Variants in MVB12B observed in about 807,000 individuals in gnomAD.
The protein encoded by MVB12B is multivesicular body subunit 12B.
A neutral mutation model predicts 41.6 loss-of-function variants in MVB12B; 16 were observed. That is an observed-to-expected ratio of 0.38 (90% CI 0.26 to 0.58). The LOEUF is 0.58. MVB12B is among the 20% of genes least tolerant of loss of function. The pLI, the probability that MVB12B is intolerant of heterozygous loss-of-function variation, is 0.62. For missense variants in MVB12B, 274 were observed against 380.2 expected (o/e 0.72, Z 2.32); for synonymous variants, 133 against 139.7 (o/e 0.95, Z 0.34).
At chr9:126,487,734 T>G (rs1363016924) in intron 9 of MVB12B, among the ~76,000 whole-genome samples, 1 of 146,756 alleles carries the variant, frequency 6.8e-6, no homozygotes, top group Non-Finnish European at 1.5e-5. Context: ...ACCATTGCAT[T>G]CCGGCCTGGG....
intron 9 of MVB12B, among the ~76,000 whole-genome samples, chr9:126,501,863 C>A (rs971353888): frequency 7.2e-5 from 11 of 152,112 alleles, no homozygotes; most frequent in Non-Finnish European, 1.5e-4. Context: ...TGGAAAGCCG[C>A]CTGCTGGTGG....
In MVB12B at chr9:126,340,579, G is replaced by C. The variant is rs562864023; in HGVS notation, c.153G>C (p.Thr51=). 3 of 1,614,058 alleles carry C rather than the reference G, an allele frequency of 1.9e-6. No homozygotes were observed. In the African/African-American group the frequency reaches 4.0e-5, roughly 22 times the overall value. The change falls in exon 2 of 10, where the codon ACG becomes ACC. Residue 51 remains threonine, a synonymous_variant. Coordinates refer to ENST00000361171, the MANE Select transcript of MVB12B (RefSeq NM_033446.3). This position sits in a 1 kb window ranked among gnomAD's most constrained non-coding sequence, Gnocchi z 4.0. ...CAGAAACGTCAATGGATCCCATCAC[G>C]GGAGTCGGGGTGGTGGCTTCTCGGA... The part of the protein sequence containing the change: ...ALPETSMDPI[T]GVGVVASRNR...
chr9:126,394,376 G>C (rs1215971673), intron 5 of MVB12B, among the ~76,000 whole-genome samples: 1 of 152,158 alleles, frequency 6.6e-6, no homozygotes, highest in Non-Finnish European at 1.5e-5. Context: ...ATATGTACCA[G>C]TATGTACCTT....
intron 7 of MVB12B, among the ~76,000 whole-genome samples, chr9:126,450,684 C>G (rs957347109): frequency 6.6e-6 from 1 of 152,206 alleles, no homozygotes; most frequent in African/African-American, 2.4e-5. Context: ...CTTCAAGTCT[C>G]ATAGCAACCC....
At chr9:126,373,345 C>T (rs894938984) in intron 2 of MVB12B, among the ~76,000 whole-genome samples, 9 of 152,226 alleles carry the variant, frequency 5.9e-5, no homozygotes, top group East Asian at 1.9e-4. Flanking sequence ...GCTGTGCCCA[C>T]GCTGCTCTTA....
chr9:126,448,140 A>G lies in MVB12B; in HGVS notation c.757+26192A>G, dbSNP rs114224989. ...CAGCCTCTGACCTGTCTGTGTCTCC[A>G]GCTCTTCCCAGAAGCCCTCCCTGGC... On this transcript the variant is annotated intron_variant, in intron 7 of 9. Transcript: ENST00000361171. The G allele has an allele frequency of 7.0e-3, 1,071 of 154,010 alleles. 17 individuals carry two copies. The highest frequency in any genetic ancestry group is 0.025 in the African/African-American group (1,024 of 41,556). The allele number at this position is 154,010 out of a possible 1,614,324, so 9.5% of individuals were successfully genotyped here. A position where few individuals can be genotyped will look rare whatever the true frequency, so the allele number is the denominator to read the frequency against.
chr9:126,358,058 C>T (rs187885280), intron 2 of MVB12B, among the ~76,000 whole-genome samples: 1 of 151,940 alleles, frequency 6.6e-6, no homozygotes, highest in African/African-American at 2.4e-5. Flanking sequence ...TGTTCTAGTA[C>T]CCTTTCTTTA....
At chr9:126,400,669 G>A (rs1831243106) in intron 6 of MVB12B, among the ~76,000 whole-genome samples, 1 of 152,206 alleles carries the variant, frequency 6.6e-6, no homozygotes, top group African/African-American at 2.4e-5. Context: ...CGTCGTCGAT[G>A]CTGCTTCTGT....
chr9:126,460,500 A>G (rs991217091), intron 7 of MVB12B, among the ~76,000 whole-genome samples: 1 of 152,112 alleles, frequency 6.6e-6, no homozygotes, highest in African/African-American at 2.4e-5. Flanking sequence ...CTTCCCGTCT[A>G]TTGCAGAAGC....
At chr9:126,464,795 C>T (rs1833164892) in intron 7 of MVB12B, among the ~76,000 whole-genome samples, 1 of 152,248 alleles carries the variant, frequency 6.6e-6, no homozygotes, top group Non-Finnish European at 1.5e-5. Flanking sequence ...ACCGTGTCCA[C>T]CCAGCTCTGC....
intron 9 of MVB12B, among the ~76,000 whole-genome samples, chr9:126,498,628 C>T (rs1448922184): frequency 6.6e-6 from 1 of 152,176 alleles, no homozygotes; most frequent in African/African-American, 2.4e-5. Flanking sequence ...GCGCCTGCCC[C>T]CTGCGCCTCT....
At chr9:126,421,997 C>A (rs184457819) in intron 7 of MVB12B, 49 bp downstream of exon 7, 2 of 1,337,134 alleles carry the variant, frequency 1.5e-6, no homozygotes, top group Non-Finnish European at 2.1e-6. Context: ...GTGTCCCGGG[C>A]GCCACCTCCT....
intron 7 of MVB12B, among the ~76,000 whole-genome samples, chr9:126,457,176 TACCC>T (rs993755185): frequency 3.2e-4 from 48 of 152,308 alleles, no homozygotes; most frequent in African/African-American, 1.1e-3. Context: ...CTCCTTCCCT[TACCC>T]ACACTGCGGC....
At chr9:126,420,551 T>G in intron 6 of MVB12B, among the ~76,000 whole-genome samples, 2 of 143,300 alleles carry the variant, frequency 1.4e-5, no homozygotes, top group African/African-American at 2.6e-5. Flanking sequence ...GAGCCTTTCC[T>G]CCCAGGAGTC....
chr9:126,331,831 C>G (rs9942939), intron 1 of MVB12B, among the ~76,000 whole-genome samples: 5 of 152,272 alleles, frequency 3.3e-5, no homozygotes, highest in Middle Eastern at 6.8e-3. Context: ...ATAAGGAGGC[C>G]CCATGGGGGT....
At chr9:126,453,644 C>A (rs917011178) in intron 7 of MVB12B, among the ~76,000 whole-genome samples, 4 of 152,214 alleles carry the variant, frequency 2.6e-5, no homozygotes, top group Non-Finnish European at 5.9e-5. Flanking sequence ...TGCCCCTTCT[C>A]ACATGTGCAT....
chr9:126,475,228 C>T (rs1300701649), intron 7 of MVB12B, among the ~76,000 whole-genome samples: 1 of 152,200 alleles, frequency 6.6e-6, no homozygotes, highest in Non-Finnish European at 1.5e-5. Context: ...GGTTTGTAGA[C>T]TGCCCACCTC....
chr9:126,398,924 TCAGA>T (rs1831192699), intron 6 of MVB12B, among the ~76,000 whole-genome samples: 1 of 152,350 alleles, frequency 6.6e-6, no homozygotes. Context: ...CAGCTTTACT[TCAGA>T]CAAAGGTGGA....
chr9:126,465,295 T>A (rs1588193874), intron 7 of MVB12B, among the ~76,000 whole-genome samples: 1 of 152,342 alleles, frequency 6.6e-6, no homozygotes, highest in East Asian at 1.9e-4. Context: ...AGCCCAGGGC[T>A]TCTCAAACCT....
Sources: gnomAD v4.1 joint callset for allele counts (sites outside exome capture counted in the v4.1 genomes callset) on GRCh38, gnomAD v4.1.1 for gene constraint, Gnocchi (gnomAD v3.1) non-coding constraint, MANE v1.5 for transcripts, NCBI Gene and HGNC (gene_info 2026-07-23, HGNC 2026-07-21) for gene names.